CFAP299: variants seen among roughly 807,000 people sequenced by gnomAD.
The protein encoded by CFAP299 is cilia- and flagella-associated protein 299.
A neutral mutation model predicts 27.0 loss-of-function variants in CFAP299; 21 were observed. The ratio of observed to expected loss-of-function variants is 0.78; its 90% CI spans 0.55 to 1.12. CFAP299 has a LOEUF of 1.12. Among genes scored for constraint, CFAP299 ranks in the 50% most tolerant of loss-of-function variants. CFAP299 has a pLI of 0.00. For missense variants in CFAP299, 310 were observed against 276.6 expected (o/e 1.12, Z -0.86); for synonymous variants, 104 against 98.1 (o/e 1.06, Z -0.36).
intron 1 of CFAP299, among the ~76,000 whole-genome samples, chr4:80,345,642 T>C (rs910681875): frequency 4.6e-5 from 7 of 152,206 alleles, no homozygotes; most frequent in Non-Finnish European, 8.8e-5. Flanking sequence ...CCATGGTGTC[T>C]ATGTGCCATA....
At chr4:80,920,777 TAGAA>T (rs1736004289) in intron 4 of CFAP299, among the ~76,000 whole-genome samples, 1 of 152,220 alleles carries the variant, frequency 6.6e-6, no homozygotes, top group Admixed American at 6.6e-5. Context: ...GTGGAGTATT[TAGAA>T]AGGGAGAGTT....
chr4:80,673,478 T>C (rs968143723), intron 3 of CFAP299, among the ~76,000 whole-genome samples: 1 of 152,208 alleles, frequency 6.6e-6, no homozygotes, highest in Non-Finnish European at 1.5e-5. Context: ...GAGAAGAATA[T>C]ATATTCTGTT....
At chr4:80,853,251 G>A (rs112250562) in intron 3 of CFAP299, among the ~76,000 whole-genome samples, 4,522 of 152,088 alleles carry the variant, frequency 0.03, 240 homozygotes, top group African/African-American at 0.1. Context: ...GGCTGGTCTC[G>A]AACTCCTGAC....
chr4:80,488,420 A>C (rs911523380), intron 2 of CFAP299, among the ~76,000 whole-genome samples: 1 of 152,154 alleles, frequency 6.6e-6, no homozygotes, highest in Non-Finnish European at 1.5e-5. Context: ...ACTATGTGCC[A>C]GCCTCTGTGA....
chr4:80,662,460 A>G (rs1054845529), intron 3 of CFAP299, among the ~76,000 whole-genome samples: 1 of 151,682 alleles, frequency 6.6e-6, no homozygotes, highest in African/African-American at 2.4e-5. Flanking sequence ...AGATAATATC[A>G]GTAAGGGTGG....
intron 5 of CFAP299, among the ~76,000 whole-genome samples, chr4:80,954,644 T>C (rs1385318253): frequency 2.6e-5 from 4 of 151,998 alleles, no homozygotes; most frequent in African/African-American, 7.2e-5. Context: ...CTCATAAGTA[T>C]ATGAGGTTGC....
intron 3 of CFAP299, among the ~76,000 whole-genome samples, chr4:80,727,901 A>G (rs995224088): frequency 6.6e-6 from 1 of 151,814 alleles, no homozygotes; most frequent in Non-Finnish European, 1.5e-5. Context: ...GTTATGAAGT[A>G]ATAATAATAT....
intron 3 of CFAP299, among the ~76,000 whole-genome samples, chr4:80,773,370 T>C (rs1726333490): frequency 1.3e-5 from 2 of 152,104 alleles, no homozygotes; most frequent in Admixed American, 1.3e-4. Flanking sequence ...AAAAATGATC[T>C]CTACTAAAGT....
At chr4:80,929,469 C>G (rs949836303) in intron 4 of CFAP299, among the ~76,000 whole-genome samples, 28 of 152,122 alleles carry the variant, frequency 1.8e-4, no homozygotes, top group Non-Finnish European at 1.3e-4. Context: ...CACTATCTAT[C>G]CAGTCTCTAT....
At chr4:80,791,783 A>C (rs887272185) in intron 3 of CFAP299, among the ~76,000 whole-genome samples, 1 of 151,958 alleles carries the variant, frequency 6.6e-6, no homozygotes, top group Non-Finnish European at 1.5e-5. Flanking sequence ...AAAATGTAGA[A>C]TCTCATTGAA....
chr4:80,869,247 C>T (rs1732934115), intron 3 of CFAP299, among the ~76,000 whole-genome samples: 2 of 152,064 alleles, frequency 1.3e-5, no homozygotes, highest in South Asian at 4.1e-4. Context: ...GGATTGAAGT[C>T]TGTATAAGAA....
chr4:80,517,254 T>C (rs773004060), intron 2 of CFAP299, among the ~76,000 whole-genome samples: 3 of 152,190 alleles, frequency 2.0e-5, no homozygotes, highest in Non-Finnish European at 4.4e-5. Flanking sequence ...TTAGAATGAA[T>C]GGACACTGGT....
At chr4:80,394,812 G>GT (rs1227984702) in intron 2 of CFAP299, among the ~76,000 whole-genome samples, 2 of 152,022 alleles carry the variant, frequency 1.3e-5, no homozygotes, top group African/African-American at 4.8e-5. Context: ...GTACCATGCT[G>GT]TTTTGATAGC....
chr4:80,861,586 G>T (rs752876870), intron 3 of CFAP299, among the ~76,000 whole-genome samples: 2 of 152,104 alleles, frequency 1.3e-5, no homozygotes, highest in Non-Finnish European at 2.9e-5. Flanking sequence ...TTAACCACTT[G>T]TTCTTCAAGC....
the CFAP299 span, among the ~76,000 whole-genome samples, chr4:80,328,544 G>T: frequency 1.3e-5 from 2 of 151,724 alleles, no homozygotes; most frequent in African/African-American, 4.8e-5. Context: ...AGGGAATGAG[G>T]AGTAAGAGAG....
At chr4:80,821,114 AAGTAGTGATCCCTTC>A (rs1182033896) in intron 3 of CFAP299, among the ~76,000 whole-genome samples, 2 of 152,170 alleles carry the variant, frequency 1.3e-5, no homozygotes, top group African/African-American at 4.8e-5. Flanking sequence ...GACTTGAATA[AAGTAGTGATCCCTTC>A]AGTAGAAATT....
intron 3 of CFAP299, among the ~76,000 whole-genome samples, chr4:80,715,580 G>T (rs1254749235): frequency 6.6e-6 from 1 of 151,880 alleles, no homozygotes; most frequent in African/African-American, 2.4e-5. Flanking sequence ...TGTTATCAAA[G>T]AAATATATTC....
chr4:80,458,080 C>T (rs1029671903), intron 2 of CFAP299, among the ~76,000 whole-genome samples: 19 of 151,988 alleles, frequency 1.3e-4, no homozygotes, highest in Non-Finnish European at 2.1e-4. Context: ...TCTGAATGCT[C>T]AGTTTTTAGC....
At chr4:80,581,411 G>A (rs1337996312) in intron 2 of CFAP299, among the ~76,000 whole-genome samples, 1 of 126,752 alleles carries the variant, frequency 7.9e-6, no homozygotes, top group African/African-American at 3.3e-5. Flanking sequence ...TGTATATTTA[G>A]GTTTTTTATT....
Sources: allele counts gnomAD v4.1 joint callset (sites outside exome capture counted in the v4.1 genomes callset), GRCh38; gene constraint gnomAD v4.1.1; transcripts MANE v1.5; gene names NCBI Gene and HGNC (gene_info 2026-07-23, HGNC 2026-07-21).